HIP1R: variants seen among roughly 807,000 people sequenced by gnomAD.
HIP1R encodes huntingtin interacting protein 1 related, also known as huntingtin-interacting protein 1-related protein.
HIP1R carries 135 observed loss-of-function variants against 144.2 expected under a neutral mutation model. The observed-to-expected ratio is 0.94, with a 90% CI of 0.81 to 1.08. The LOEUF is 1.08. HIP1R is among the 50% of genes least tolerant of loss of function. The pLI is 0.00. For synonymous variants in HIP1R, 698 were observed against 612.8 expected (o/e 1.14, Z -2.05); for missense variants, 1,462 against 1,432.8 (o/e 1.02, Z -0.33).
At chr12:122,854,233 T>C (rs2033489580) in intron 8 of HIP1R, 50 bp downstream of exon 8, 3 of 1,518,608 alleles carry the variant, frequency 2.0e-6, no homozygotes, top group Non-Finnish European at 1.8e-6. Context: ...TTTATATGGC[T>C]TAGACATTCA....
chr12:122,854,211 C>T (rs762594935), intron 8 of HIP1R, 28 bp downstream of exon 8: 156 of 1,601,256 alleles, frequency 9.7e-5, no homozygotes, highest in Non-Finnish European at 1.2e-4. Flanking sequence ...ACCCCTGGCC[C>T]GGAAGGCTGT....
intron 4 of HIP1R, among the ~76,000 whole-genome samples, chr12:122,849,358 C>T (rs762922841): frequency 2.0e-5 from 3 of 152,238 alleles, no homozygotes; most frequent in Non-Finnish European, 4.4e-5. Flanking sequence ...GGGTGCTCGT[C>T]TGCCTGGGCA....
intron 28 of HIP1R, 24 bp downstream of exon 28, chr12:122,860,808 C>G (rs776712811): frequency 3.1e-6 from 5 of 1,608,410 alleles, no homozygotes; most frequent in Non-Finnish European, 1.7e-6. Flanking sequence ...CCGACAGCAG[C>G]ACACTGGGCT....
At chr12:122,842,754 G>T (rs1430687024) in intron 1 of HIP1R, among the ~76,000 whole-genome samples, 1 of 152,210 alleles carries the variant, frequency 6.6e-6, no homozygotes, top group Non-Finnish European at 1.5e-5. Flanking sequence ...AGCCTCTCGG[G>T]AGCGTCCCCT....
intron 5 of HIP1R, 41 bp from the exon 6 acceptor site, chr12:122,850,794 G>GCC: frequency 1.4e-6 from 2 of 1,470,732 alleles, no homozygotes; most frequent in Non-Finnish European, 1.8e-6. Flanking sequence ...GTGTGGGGGG[G>GCC]CCCTGGTTCA....
rs367915179 is a variant in HIP1R at position 122,857,134 on chromosome 12, C to T, written c.1734C>T (p.Arg578=). The change falls in exon 18 of 32, where the codon CGC becomes CGT. Residue 578 remains arginine (R), a synonymous_variant. Coordinates refer to ENST00000253083, the MANE Select transcript of HIP1R (RefSeq NM_003959.3). ...TGCTGGCGGCGCAGAGCCTGGTGCG[C>T]GAGACAGAGGCGGCGCTGAGCCGGG... ...ADLLAAQSLV[R]ETEAALSREQ... The T allele has an allele frequency of 3.6e-5, 56 of 1,550,458 alleles. No individual in the cohort carries two copies. In the South Asian group the frequency reaches 4.8e-4, roughly 13 times the overall value.
intron 1 of HIP1R, among the ~76,000 whole-genome samples, chr12:122,846,267 C>T (rs2033209852): frequency 6.6e-6 from 1 of 152,212 alleles, no homozygotes; most frequent in Non-Finnish European, 1.5e-5. Context: ...TGGAATCAGA[C>T]AGACCTGGCT....
intron 1 of HIP1R, among the ~76,000 whole-genome samples, chr12:122,835,908 G>A (rs1308802195): frequency 6.6e-6 from 1 of 150,994 alleles, no homozygotes; most frequent in Non-Finnish European, 1.5e-5. Context: ...GCCCAGAGGC[G>A]CCGGGGCTGA....
chr12:122,845,845 G>A (rs1010517650), intron 1 of HIP1R, among the ~76,000 whole-genome samples: 9 of 152,174 alleles, frequency 5.9e-5, no homozygotes, highest in Non-Finnish European at 1.3e-4. Context: ...GACACGGGTG[G>A]CTGCACCTTG....
At position 122,860,055 on chromosome 12, in the gene HIP1R, A is replaced by G. The variant is rs755977591; in HGVS notation, c.2474A>G (p.Asn825Ser). ...VKLEVNERIL[N>S]SCTDLMKAIR... ...CTCCTTCTCTCCCCCAGGATCCTCA[A>G]CTCCTGCACAGACCTGATGAAGGTG... Residue 825 changes from asparagine (N) to serine (S), a missense_variant, in exon 25 of 32, where the codon AAC becomes AGC. Asn to Ser is a conservative substitution (Grantham distance 46, BLOSUM62 1). Around this residue, in one of 2 missense-constraint regions of HIP1R, gnomAD observed 1,112 missense variants for 1,011.7 expected, o/e 1.10. Transcript: ENST00000253083. 7 of 1,556,112 alleles carry G rather than the reference A, an allele frequency of 4.5e-6. No homozygotes were observed. In the African/African-American group the frequency reaches 6.8e-5, roughly 15 times the overall value.
At chr12:122,843,930 A>T (rs2033135159) in intron 1 of HIP1R, among the ~76,000 whole-genome samples, 1 of 152,008 alleles carries the variant, frequency 6.6e-6, no homozygotes, top group Non-Finnish European at 1.5e-5. Context: ...TGGTCACTGC[A>T]GCCTCCCAGG....
chr12:122,851,387 A>G, intron 7 of HIP1R, 90 bp downstream of exon 7: 1 of 1,079,078 alleles, frequency 9.3e-7, no homozygotes, highest in Non-Finnish European at 1.3e-6. Flanking sequence ...ATGAGTGATC[A>G]GACCAACTGA....
intron 1 of HIP1R, among the ~76,000 whole-genome samples, chr12:122,842,342 A>ATAAT (rs1404038884): frequency 6.6e-6 from 1 of 152,226 alleles, no homozygotes; most frequent in African/African-American, 2.4e-5. Flanking sequence ...AAATTGTTTT[A>ATAAT]TAATTACTTT....
Position 122,855,605 on chromosome 12 carries a change from G to C in HIP1R, c.1048G>C (p.Asp350His). The change falls in exon 12 of 32, where the codon GAC (aspartate) becomes CAC (histidine). Residue 350 changes from aspartate (D) to histidine (H), a missense_variant. Asp to His is a moderately conservative substitution (Grantham distance 81). Coordinates refer to ENST00000253083, the MANE Select transcript of HIP1R (RefSeq NM_003959.3). The part of the protein sequence containing the change: ...TFGPPNGSVK[D>H]DRDLQIESLK... ...TGGACCCCCCAATGGGTCTGTGAAG[G>C]ACGACAGGTGAGGGCTGGAGGAGCC... 6.5e-7 allele frequency: 1 copy of C among 1,549,642 alleles called. No homozygotes were observed. Among genetic ancestry groups the C allele is most frequent in the Non-Finnish European group, 8.7e-7 (1 of 1,146,728 alleles).
At chr12:122,847,314 G>A (rs1364374555) in intron 1 of HIP1R, among the ~76,000 whole-genome samples, 1 of 152,166 alleles carries the variant, frequency 6.6e-6, no homozygotes, top group Non-Finnish European at 1.5e-5. Flanking sequence ...GGGGGGGGAG[G>A]GGTGAGACTG....
intron 18 of HIP1R, chr12:122,857,506 C>T (rs1353899887): frequency 3.7e-6 from 2 of 537,282 alleles, no homozygotes; most frequent in Non-Finnish European, 6.7e-6. Context: ...TTGCAACTTT[C>T]TGGCTGTTGT....
intron 6 of HIP1R, 86 bp from the exon 7 acceptor site, chr12:122,851,150 C>A: frequency 8.1e-7 from 1 of 1,236,830 alleles, no homozygotes; most frequent in South Asian, 1.6e-5. Context: ...CGGCGGTGCC[C>A]CCGTCCCCAC....
chr12:122,859,016 C>G (rs768764220), intron 21 of HIP1R, 45 bp from the exon 22 acceptor site: 7 of 1,478,272 alleles, frequency 4.7e-6, no homozygotes, highest in South Asian at 1.1e-5. Context: ...CCTTATGGAG[C>G]CTGTCGGTGG....
Position 122,861,949 on chromosome 12 carries a change from A to G in HIP1R, c.*196A>G. 1 of 551,574 alleles carries G rather than the reference A, an allele frequency of 1.8e-6. No homozygotes were observed. Among genetic ancestry groups the G allele is most frequent in the Non-Finnish European group, 3.2e-6 (1 of 313,806 alleles). 34.2% of individuals were successfully genotyped at this position (551,574 alleles called of 1,614,324 possible). Reference sequence around the variant, plus strand: ...CATGTGGGTGGTGCTTCTGGATGTGAGTCTCTTATTTATCTGCAGAAGGAA... The same window carrying G: ...CATGTGGGTGGTGCTTCTGGATGTGGGTCTCTTATTTATCTGCAGAAGGAA... On this transcript the variant is annotated 3_prime_UTR_variant, in exon 32 of 32. Coordinates refer to ENST00000253083, the MANE Select transcript of HIP1R (RefSeq NM_003959.3).
Sources: gnomAD v4.1 joint callset for allele counts (sites outside exome capture counted in the v4.1 genomes callset) on GRCh38, gnomAD v4.1.1 for gene constraint, gnomAD v4.1.1 regional missense constraint, MANE v1.5 for transcripts, NCBI Gene and HGNC (gene_info 2026-07-23, HGNC 2026-07-21) for gene names.